Variants in CALD1 observed in about 807,000 individuals in gnomAD.
The protein encoded by CALD1 is caldesmon 1.
A neutral mutation model predicts 99.9 loss-of-function variants in CALD1; 33 were observed. The ratio of observed to expected loss-of-function variants is 0.33; its 90% CI spans 0.25 to 0.44. The LOEUF (loss-of-function observed/expected upper bound fraction) is 0.44. Ranked by LOEUF, CALD1 falls within the 20% of genes least tolerant of loss-of-function variation. The pLI is 1.00. For missense variants in CALD1, 861 were observed against 962.1 expected (o/e 0.89, Z 1.39); for synonymous variants, 310 against 325.0 (o/e 0.95, Z 0.50).
At chr7:134,850,258 A>C (rs1050803625) in intron 2 of CALD1, among the ~76,000 whole-genome samples, 3 of 152,222 alleles carry the variant, frequency 2.0e-5, no homozygotes, top group Non-Finnish European at 2.9e-5. Context: ...AAGAACATAA[A>C]TCCTTCCAGG....
At chr7:134,794,802 T>A (rs1463199623) in intron 1 of CALD1, among the ~76,000 whole-genome samples, 1 of 151,982 alleles carries the variant, frequency 6.6e-6, no homozygotes, top group Non-Finnish European at 1.5e-5. Context: ...TAAGTAACAA[T>A]AAACTTTTAG....
chr7:134,796,439 T>C (rs890219330), intron 1 of CALD1, among the ~76,000 whole-genome samples: 1 of 152,196 alleles, frequency 6.6e-6, no homozygotes, highest in Non-Finnish European at 1.5e-5. Flanking sequence ...TGGGGGAAGA[T>C]AGAAATCATA....
At chr7:134,711,674 ATATATATGTGTGTGTGTG>A in the CALD1 span, among the ~76,000 whole-genome samples, 1 of 84,762 alleles carries the variant, frequency 1.2e-5, no homozygotes, top group Non-Finnish European at 2.5e-5. Flanking sequence ...ATATATATAT[ATATATATGTGTGTGTGTG>A]TGTGTGTGTG....
At chr7:134,814,584 G>A (rs988469948) in intron 1 of CALD1, among the ~76,000 whole-genome samples, 1 of 152,152 alleles carries the variant, frequency 6.6e-6, no homozygotes, top group Non-Finnish European at 1.5e-5. Flanking sequence ...TTGGGAAGGA[G>A]TTGGTTACTA....
rs1805922326 is a variant in CALD1, at chr7:134,935,750, C to T, written c.1371C>T (p.Thr457=). ...AAAAGCTCCAAGAAGACAAGCCTAC[C>T]TTCAAAAAAGAAGAGGTAAATATGA... The part of the protein sequence containing the change: ...KREKLQEDKP[T]FKKEEIKDEK... The change falls in exon 6 of 15, where the codon ACC becomes ACT. Residue 457 remains threonine, a synonymous_variant. Coordinates refer to ENST00000361675, the MANE Select transcript of CALD1 (RefSeq NM_033138.4). 1.3e-6 allele frequency: 2 copies of T among 1,593,558 alleles called. No homozygotes were observed. Among genetic ancestry groups the T allele is most frequent in the Admixed American group, 1.8e-5 (1 of 55,514 alleles).
At chr7:134,884,953 T>A (rs751389710) in intron 3 of CALD1, among the ~76,000 whole-genome samples, 9 of 152,220 alleles carry the variant, frequency 5.9e-5, no homozygotes, top group Non-Finnish European at 1.2e-4. Context: ...TTATTTATTT[T>A]TTTGAGACAG....
chr7:134,958,637 C>T (rs1374104517), intron 11 of CALD1, among the ~76,000 whole-genome samples: 1 of 151,622 alleles, frequency 6.6e-6, no homozygotes, highest in African/African-American at 2.4e-5. Flanking sequence ...AATTCCTGAC[C>T]TCAAGTGATC....
intron 3 of CALD1, among the ~76,000 whole-genome samples, chr7:134,869,644 C>T (rs1164413339): frequency 2.6e-5 from 4 of 152,112 alleles, no homozygotes; most frequent in Non-Finnish European, 5.9e-5. Context: ...CTTCTTGAAT[C>T]GTCAGAGAGG....
rs1796902143 is a variant in CALD1, at chr7:134,774,533, T to C, written c.-130+30170T>C. Among the ~76,000 whole-genome samples, 2 of 152,214 alleles carry C rather than the reference T, an allele frequency of 1.3e-5. 1 individual carries two copies. The highest frequency in any genetic ancestry group is 1.3e-4 in the Admixed American group (2 of 15,284). On this transcript the variant is annotated intron_variant, in intron 1 of 13. Transcript: ENST00000417172. Reference sequence around the variant, plus strand: ...AATAAACTTCAGTTTTCCGTCTGGTTGAGAGAGAGATGCTCACCTGGTTGT... The same window carrying C: ...AATAAACTTCAGTTTTCCGTCTGGTCGAGAGAGAGATGCTCACCTGGTTGT...
chr7:134,943,103 T>C (rs567630174), intron 7 of CALD1, among the ~76,000 whole-genome samples: 24 of 152,204 alleles, frequency 1.6e-4, no homozygotes, highest in Non-Finnish European at 3.5e-4. Context: ...AAGTTCACGC[T>C]GATTGAAGTA....
intron 1 of CALD1, among the ~76,000 whole-genome samples, chr7:134,820,378 G>A (rs1199260144): frequency 1.3e-5 from 2 of 152,138 alleles, no homozygotes; most frequent in Non-Finnish European, 2.9e-5. Flanking sequence ...ATAAAATCTA[G>A]GAGAAATCTG....
chr7:134,910,330 A>C (rs1042497003), intron 3 of CALD1, among the ~76,000 whole-genome samples: 6 of 152,338 alleles, frequency 3.9e-5, no homozygotes, highest in Admixed American at 1.3e-4. Flanking sequence ...TGACTTATCC[A>C]TTGAATTTCA....
intron 1 of CALD1, among the ~76,000 whole-genome samples, chr7:134,792,615 T>C (rs1797583811): frequency 7.2e-6 from 1 of 138,810 alleles, no homozygotes; most frequent in Admixed American, 7.6e-5. Context: ...AAGACACCAG[T>C]TGTATTGGAT....
chr7:134,827,455 C>A (rs1293175650), intron 1 of CALD1, among the ~76,000 whole-genome samples: 1 of 152,218 alleles, frequency 6.6e-6, no homozygotes, highest in Non-Finnish European at 1.5e-5. Flanking sequence ...CACGTTACCC[C>A]ATTTCCCTCT....
intron 13 of CALD1, among the ~76,000 whole-genome samples, chr7:134,963,593 A>G (rs1808442792): frequency 6.6e-6 from 1 of 152,248 alleles, no homozygotes; most frequent in South Asian, 2.1e-4. Flanking sequence ...CCTTTTGCCA[A>G]GTACTAATAT....
intron 3 of CALD1, among the ~76,000 whole-genome samples, chr7:134,898,019 G>C (rs1762507715): frequency 6.6e-6 from 1 of 152,100 alleles, no homozygotes; most frequent in Non-Finnish European, 1.5e-5. Flanking sequence ...CTGCCTCCCA[G>C]GTTCAAGCAA....
At chr7:134,874,566 A>C (rs893635590) in intron 3 of CALD1, among the ~76,000 whole-genome samples, 1 of 152,186 alleles carries the variant, frequency 6.6e-6, no homozygotes, top group Non-Finnish European at 1.5e-5. Context: ...TCCCCAACAA[A>C]TGGCTCTCTC....
intron 3 of CALD1, among the ~76,000 whole-genome samples, chr7:134,895,735 G>A (rs1022016847): frequency 1.3e-5 from 2 of 152,132 alleles, no homozygotes; most frequent in South Asian, 2.1e-4. Context: ...TTGGTTTGTA[G>A]GCCAAAGTGT....
chr7:134,715,707 G>C, the CALD1 span, among the ~76,000 whole-genome samples: 152 of 152,262 alleles, frequency 1.0e-3, 2 homozygotes, highest in East Asian at 0.029. Flanking sequence ...GTGGGAATGG[G>C]ATAATTATGC....
Sources: gnomAD v4.1 joint callset for allele counts (sites outside exome capture counted in the v4.1 genomes callset) on GRCh38, gnomAD v4.1.1 for gene constraint, MANE v1.5 for transcripts, NCBI Gene and HGNC (gene_info 2026-07-23, HGNC 2026-07-21) for gene names.